Variants in CATSPERD observed in about 807,000 individuals in gnomAD.
CATSPERD encodes the protein catsper channel auxiliary subunit delta, also known as cation channel sperm-associated auxiliary subunit delta.
CATSPERD carries 86 observed loss-of-function variants against 98.1 expected under a neutral mutation model. The observed-to-expected ratio is 0.88, with a 90% CI of 0.74 to 1.05. The LOEUF (loss-of-function observed/expected upper bound fraction) is 1.05. Ranked by LOEUF, CATSPERD falls within the 50% of genes least tolerant of loss-of-function variation. CATSPERD has a pLI of 0.00. For synonymous variants in CATSPERD, 394 were observed against 390.2 expected (o/e 1.01, Z -0.12); for missense variants, 995 against 1,005.7 (o/e 0.99, Z 0.14).
At position 5,722,502 on chromosome 19, in the gene CATSPERD, G is replaced by A. The variant is rs77608561; in HGVS notation, c.71+1694G>A. ...CCTAACAACACATACCTAGTAAGTG[G>A]GAGAAACATTTTCCAGTGAAATTTA... On this transcript the variant is annotated intron_variant, in intron 1 of 21. Coordinates refer to ENST00000381624, the MANE Select transcript of CATSPERD (RefSeq NM_152784.4). Among the ~76,000 whole-genome samples the A allele has an allele frequency of 3.1e-4, 47 of 152,234 alleles. No individual in the cohort carries two copies. The East Asian group carries it at 8.5e-3, about 27-fold the overall frequency.
At chr19:5,727,945 C>T (rs1394847200) in intron 3 of CATSPERD, among the ~76,000 whole-genome samples, 1 of 149,788 alleles carries the variant, frequency 6.7e-6, no homozygotes, top group African/African-American at 2.5e-5. Flanking sequence ...AGTACCAGCA[C>T]TTTGGGAGGC....
intron 11 of CATSPERD, among the ~76,000 whole-genome samples, chr19:5,750,376 A>G (rs1193504933): frequency 8.8e-5 from 12 of 135,602 alleles, no homozygotes; most frequent in East Asian, 2.5e-4. Context: ...GCGTGAATCC[A>G]GGAGGCGGAG....
At chr19:5,774,727 TAAAG>T in intron 20 of CATSPERD, among the ~76,000 whole-genome samples, 1 of 141,324 alleles carries the variant, frequency 7.1e-6, no homozygotes. Context: ...AATAAATAAA[TAAAG>T]AGTGGCCAGG....
At chr19:5,727,380 T>A in intron 3 of CATSPERD, 36 bp downstream of exon 3, 1 of 1,390,734 alleles carries the variant, frequency 7.2e-7, no homozygotes, top group Non-Finnish European at 1.0e-6. Flanking sequence ...ACCTTCCTTT[T>A]AAATTAAATC....
chr19:5,726,118 G>A lies in CATSPERD; in HGVS notation c.127-1150G>A, dbSNP rs369767637. 4.1e-5 allele frequency among the ~76,000 whole-genome samples: 6 copies of A among 148,148 alleles called. No individual in the cohort carries two copies. The East Asian group carries it at 6.1e-4, about 15-fold the overall frequency. ...GCTCTGTCACCCAGGCTGGAGTGCC[G>A]TGGCACAATCTTGGCTCACTGCAAC... is the stretch of plus-strand genomic sequence containing the variant. On this transcript the variant is annotated intron_variant, in intron 2 of 21. Coordinates refer to ENST00000381624, the MANE Select transcript of CATSPERD (RefSeq NM_152784.4).
At chr19:5,742,659 G>A (rs1568351306) in intron 7 of CATSPERD, among the ~76,000 whole-genome samples, 1 of 152,112 alleles carries the variant, frequency 6.6e-6, no homozygotes. Context: ...GCTGGGAATG[G>A]TGGTAGGTAC....
chr19:5,727,982 G>A (rs1052421209), intron 3 of CATSPERD, among the ~76,000 whole-genome samples: 5 of 149,754 alleles, frequency 3.3e-5, no homozygotes, highest in Non-Finnish European at 4.4e-5. Context: ...CTGGAGGATC[G>A]CTGGAAGCTA....
At chr19:5,763,102 A>G (rs1485054756) in intron 15 of CATSPERD, 113 bp from the exon 16 acceptor site, 1 of 734,174 alleles carries the variant, frequency 1.4e-6, no homozygotes, top group African/African-American at 1.8e-5. Context: ...AGGATGGATG[A>G]GATGGATGGA....
chr19:5,772,897 A>T lies in CATSPERD; in HGVS notation c.1873A>T (p.Thr625Ser), dbSNP rs755046374. The change falls in exon 20 of 22, where the codon ACC becomes TCC. Residue 625 changes from threonine (T) to serine (S), a missense_variant. Thr to Ser is a moderately conservative substitution (Grantham distance 58, BLOSUM62 1). Transcript: ENST00000381624. ...YSLTAQSAMCTSQPQNWTTMI... is the reference protein window; with the variant it reads ...YSLTAQSAMCSSQPQNWTTMI... ...CCTGACGGCCCAGTCGGCCATGTGT[A>T]CCTCCCAGCCGCAGAACTGGACCAC... 6.2e-7 allele frequency: 1 copy of T among 1,613,680 alleles called. No homozygotes were observed. The highest frequency in any genetic ancestry group is 8.5e-7 in the Non-Finnish European group (1 of 1,179,980).
intron 8 of CATSPERD, among the ~76,000 whole-genome samples, chr19:5,745,160 C>T (rs906956178): frequency 6.6e-6 from 1 of 151,474 alleles, no homozygotes. Context: ...CCAGGCTGGT[C>T]TCAAACTCCT....
chr19:5,733,891 TG>T lies in CATSPERD; in HGVS notation c.314del (p.Gly105ValfsTer6). On this transcript the variant is annotated frameshift_variant, in exon 5 of 22. Coordinates refer to ENST00000381624, the MANE Select transcript of CATSPERD (RefSeq NM_152784.4). LOFTEE classifies it high-confidence loss of function. ...CAGAAGTGACATCAGCACATTTTGC[TG>T]GTTCGTTATTGCTGTTAGTAGTGGA... ...VPEVTSAHFA[G>X]SLLLLVVDQK... is the part of the protein sequence containing the mutation. 3 of 1,613,144 alleles carry T rather than the reference TG, an allele frequency of 1.9e-6. No homozygotes were observed. Among genetic ancestry groups the T allele is most frequent in the Non-Finnish European group, 2.5e-6 (3 of 1,179,784 alleles).
intron 4 of CATSPERD, among the ~76,000 whole-genome samples, chr19:5,731,567 T>TTTTTTTG (rs1458347305): frequency 8.9e-6 from 1 of 111,950 alleles, no homozygotes; most frequent in Non-Finnish European, 1.9e-5. Context: ...ACAGTTTTTT[T>TTTTTTTG]TTTTTTTTTT....
At chr19:5,772,433 T>A in intron 19 of CATSPERD, 1 of 265,004 alleles carries the variant, frequency 3.8e-6, no homozygotes, top group Non-Finnish European at 7.5e-6. Context: ...TTCACCGTGT[T>A]AGCCAAGATG....
At chr19:5,724,933 G>A (rs2055575624) in intron 2 of CATSPERD, 71 bp downstream of exon 2, 2 of 1,408,464 alleles carry the variant, frequency 1.4e-6, no homozygotes, top group African/African-American at 2.8e-5. Context: ...ACACTTCCTG[G>A]TATTTCTTGG....
intron 12 of CATSPERD, among the ~76,000 whole-genome samples, chr19:5,753,226 A>G (rs2056254414): frequency 6.6e-6 from 1 of 151,924 alleles, no homozygotes. Flanking sequence ...AGACTGAGTG[A>G]TGATCTTCAG....
In CATSPERD at chr19:5,720,707, G is replaced by A. The variant is rs1469204930; in HGVS notation, c.-31G>A. 3 of 1,601,138 alleles carry A rather than the reference G, an allele frequency of 1.9e-6. No homozygotes were observed. Among genetic ancestry groups the A allele is most frequent in the Non-Finnish European group, 2.5e-6 (3 of 1,176,798 alleles). ...TGCAGCGACTCCCCGTGGCGGTTGA[G>A]GGGCAGTGGTGGCGGCGGAAGCCCA... On this transcript the variant is annotated 5_prime_UTR_variant, in exon 1 of 22. Coordinates refer to ENST00000381624, the MANE Select transcript of CATSPERD (RefSeq NM_152784.4).
chr19:5,744,335 C>A, intron 7 of CATSPERD, 92 bp from the exon 8 acceptor site: 1 of 1,106,166 alleles, frequency 9.0e-7, no homozygotes, highest in Non-Finnish European at 1.3e-6. Flanking sequence ...GACTTTCCTT[C>A]ATTGTAACTT....
At chr19:5,755,807 T>TA (rs1006835726) in intron 13 of CATSPERD, among the ~76,000 whole-genome samples, 1 of 148,926 alleles carries the variant, frequency 6.7e-6, no homozygotes, top group Non-Finnish European at 1.5e-5. Flanking sequence ...AAAAATAAAT[T>TA]AAAAAAATAA....
chr19:5,742,268 GCATGTGTGTA>G (rs1404019074), intron 7 of CATSPERD, among the ~76,000 whole-genome samples: 1 of 149,602 alleles, frequency 6.7e-6, no homozygotes, highest in South Asian at 2.1e-4. Context: ...GTGTGCGTGT[GCATGTGTGTA>G]CGTGTGTGTG....
Sources: gnomAD v4.1 joint callset for allele counts (sites outside exome capture counted in the v4.1 genomes callset) on GRCh38, gnomAD v4.1.1 for gene constraint, MANE v1.5 for transcripts, NCBI Gene and HGNC (gene_info 2026-07-23, HGNC 2026-07-21) for gene names.